The following RBFOX1 variants were observed in gnomAD, a reference collection of about 807,000 sequenced individuals.
RBFOX1 encodes the protein RNA binding fox-1 homolog 1.
In RBFOX1, 8 loss-of-function variants were observed where a neutral mutation model predicts 57.7. The observed-to-expected ratio is 0.14, with a 90% CI of 0.08 to 0.25. The LOEUF (loss-of-function observed/expected upper bound fraction) is 0.25. Ranked by LOEUF, RBFOX1 falls within the 10% of genes least tolerant of loss-of-function variation. The pLI is 1.00. For missense variants in RBFOX1, 611 were observed against 548.5 expected (o/e 1.11, Z -1.14); for synonymous variants, 326 against 222.4 (o/e 1.47, Z -4.15).
At chr16:6,584,008 A>AG (rs2097571920) in intron 2 of RBFOX1, among the ~76,000 whole-genome samples, 2 of 152,018 alleles carry the variant, frequency 1.3e-5, no homozygotes, top group East Asian at 3.9e-4. Flanking sequence ...ATTTAAAAAA[A>AG]AAAAAGAAAC....
Position 7,262,840 on chromosome 16 carries a change from TG to T in RBFOX1, c.27+210746del, listed in dbSNP as rs899385521. Among the ~76,000 whole-genome samples the T allele has an allele frequency of 5.9e-5, 9 of 152,354 alleles. No individual in the cohort carries two copies. In the South Asian group the frequency reaches 1.4e-3, roughly 25 times the overall value. ...TGCTGAAATGTGGCTGACTCAGATG[TG>T]GGGTGTCAGGATCATAGATAGGACA... On this transcript the variant is annotated intron_variant, in intron 4 of 15. Transcript: ENST00000550418.
intron 8 of RBFOX1, among the ~76,000 whole-genome samples, chr16:7,596,175 T>G (rs2094692113): frequency 1.4e-5 from 2 of 147,772 alleles, no homozygotes; most frequent in African/African-American, 4.9e-5. Flanking sequence ...ACCTCTCGTT[T>G]TTTTTTTTTT....
intron 3 of RBFOX1, among the ~76,000 whole-genome samples, chr16:6,715,988 A>G (rs1231934917): frequency 1.4e-5 from 2 of 146,506 alleles, no homozygotes; most frequent in African/African-American, 5.1e-5. Context: ...GCAGTGCCCA[A>G]CTCTGTGGGG....
intron 3 of RBFOX1, among the ~76,000 whole-genome samples, chr16:7,030,634 CTCTAA>C (rs2153691117): frequency 6.6e-6 from 1 of 152,288 alleles, no homozygotes; most frequent in Non-Finnish European, 1.5e-5. Flanking sequence ...CTAGGACCTA[CTCTAA>C]TCTACTATGA....
intron 4 of RBFOX1, among the ~76,000 whole-genome samples, chr16:5,868,022 TC>T (rs372289456): frequency 0.026 from 4,029 of 152,242 alleles, 168 homozygotes; most frequent in African/African-American, 0.09. Context: ...TGTTTTTCTT[TC>T]TCTACTCAGT....
chr16:5,347,017 C>T (rs1177015196), intron 1 of RBFOX1, among the ~76,000 whole-genome samples: 6 of 151,932 alleles, frequency 3.9e-5, no homozygotes, highest in Non-Finnish European at 7.4e-5. Context: ...TGCTAACACA[C>T]CTACTTGGCT....
chr16:5,464,598 C>G (rs1307337541), intron 1 of RBFOX1, among the ~76,000 whole-genome samples: 2 of 149,484 alleles, frequency 1.3e-5, no homozygotes. Context: ...TTTTGCAGCT[C>G]TCTCAGTACA....
chr16:7,482,849 T>G (rs1322461161), intron 4 of RBFOX1, among the ~76,000 whole-genome samples: 1 of 152,196 alleles, frequency 6.6e-6, no homozygotes, highest in Non-Finnish European at 1.5e-5. Context: ...GAACACCATG[T>G]ACAGGAGATG....
At chr16:5,389,192 A>AAAATAAATAAATAAATAAAT (rs34759657) in intron 1 of RBFOX1, among the ~76,000 whole-genome samples, 19 of 150,138 alleles carry the variant, frequency 1.3e-4, no homozygotes, top group African/African-American at 4.2e-4. Context: ...CTCCGTCTCA[A>AAAATAAATAAATAAATAAAT]AAATAAATAA....
At chr16:5,370,040 A>G (rs75661592) in intron 1 of RBFOX1, among the ~76,000 whole-genome samples, 50 of 152,196 alleles carry the variant, frequency 3.3e-4, no homozygotes, top group African/African-American at 1.2e-3. Flanking sequence ...CATCTATTCC[A>G]TGTATTGAGC....
chr16:7,633,845 T>C (rs2061355098), intron 11 of RBFOX1, among the ~76,000 whole-genome samples: 1 of 152,166 alleles, frequency 6.6e-6, no homozygotes. Context: ...TTTTATGGCT[T>C]TTTGGTCTAG....
intron 3 of RBFOX1, among the ~76,000 whole-genome samples, chr16:6,984,171 C>T (rs912734613): frequency 6.6e-6 from 1 of 152,142 alleles, no homozygotes; most frequent in African/African-American, 2.4e-5. Context: ...TGCTTGAACC[C>T]TGGAGGCAGA....
At chr16:7,104,163 C>G (rs1195975628) in intron 4 of RBFOX1, among the ~76,000 whole-genome samples, 2 of 152,100 alleles carry the variant, frequency 1.3e-5, no homozygotes, top group Non-Finnish European at 2.9e-5. Context: ...TAAGTAATAA[C>G]AAAGTAGCAT....
chr16:6,341,301 G>A (rs1301208414), intron 2 of RBFOX1, among the ~76,000 whole-genome samples: 1 of 152,054 alleles, frequency 6.6e-6, no homozygotes, highest in Non-Finnish European at 1.5e-5. Context: ...GCCGACAATG[G>A]CAGGTTGAGT....
intron 1 of RBFOX1, among the ~76,000 whole-genome samples, chr16:5,443,779 AC>A (rs1330898370): frequency 3.9e-5 from 6 of 152,220 alleles, no homozygotes; most frequent in African/African-American, 1.4e-4. Context: ...ATCTTGCAAG[AC>A]ATACATTCAT....
At chr16:6,761,605 T>C (rs2154199180) in intron 3 of RBFOX1, among the ~76,000 whole-genome samples, 1 of 137,512 alleles carries the variant, frequency 7.3e-6, no homozygotes, top group Admixed American at 8.4e-5. Context: ...CCTCCCAGAT[T>C]CAAGCAGTTC....
chr16:7,138,670 G>C (rs2072736952), intron 4 of RBFOX1, among the ~76,000 whole-genome samples: 1 of 152,190 alleles, frequency 6.6e-6, no homozygotes, highest in South Asian at 2.1e-4. Flanking sequence ...GGATGGGGAG[G>C]ACCTGCCTAA....
intron 2 of RBFOX1, among the ~76,000 whole-genome samples, chr16:6,525,168 C>G (rs1011846771): frequency 7.9e-5 from 12 of 152,274 alleles, no homozygotes; most frequent in South Asian, 2.1e-4. Context: ...ACATCCTGAA[C>G]TATAGTAAGT....
intron 4 of RBFOX1, among the ~76,000 whole-genome samples, chr16:5,874,695 A>C (rs1303638888): frequency 1.3e-5 from 2 of 152,170 alleles, no homozygotes; most frequent in Non-Finnish European, 2.9e-5. Flanking sequence ...CTGTAATCCA[A>C]GCACTTGGGG....
Sources: allele counts gnomAD v4.1 joint callset (sites outside exome capture counted in the v4.1 genomes callset), GRCh38; gene constraint gnomAD v4.1.1; transcripts MANE v1.5; gene names NCBI Gene and HGNC (gene_info 2026-07-23, HGNC 2026-07-21).